SLC30A8: variants seen among roughly 807,000 people sequenced by gnomAD.
SLC30A8 encodes the protein proton-coupled zinc antiporter SLC30A8.
SLC30A8 carries 27 observed loss-of-function variants against 36.9 expected under a neutral mutation model. The observed-to-expected ratio is 0.73, with a 90% CI of 0.54 to 1.01. SLC30A8 has a LOEUF of 1.01. Among genes scored for constraint, SLC30A8 ranks in the 50% least tolerant of loss-of-function variants. The probability of loss-of-function intolerance (pLI) is 0.00; values close to 1 mark genes in which losing one functional copy is unlikely to be tolerated. For synonymous variants in SLC30A8, 164 were observed against 172.4 expected, an observed-to-expected ratio of 0.95 and a Z score of 0.38; for missense variants, 439 against 452.0, an observed-to-expected ratio of 0.97 and a Z score of 0.26.
intron 1 of SLC30A8, among the ~76,000 whole-genome samples, chr8:117,010,235 ACTT>A (rs1032297205): frequency 5.9e-5 from 9 of 152,160 alleles, no homozygotes; most frequent in Non-Finnish European, 1.2e-4. Context: ...CTCTGGAACC[ACTT>A]CTTATCAATG....
At chr8:117,076,508 C>A (rs959035859) in intron 2 of SLC30A8, among the ~76,000 whole-genome samples, 4 of 152,102 alleles carry the variant, frequency 2.6e-5, no homozygotes, top group Non-Finnish European at 5.9e-5. Context: ...CATCCTACCC[C>A]CTTGTCTTGT....
At chr8:116,964,997 T>A (rs1183797761) in intron 1 of SLC30A8, among the ~76,000 whole-genome samples, 1 of 152,166 alleles carries the variant, frequency 6.6e-6, no homozygotes, top group Non-Finnish European at 1.5e-5. Context: ...AGTGCGATGG[T>A]GTGATCTCAG....
intron 1 of SLC30A8, among the ~76,000 whole-genome samples, chr8:117,001,426 T>G (rs1239402682): frequency 6.6e-6 from 1 of 152,152 alleles, no homozygotes; most frequent in Non-Finnish European, 1.5e-5. Flanking sequence ...ACTATCTCTC[T>G]TCTCAGTTAT....
At chr8:117,122,440 T>G (rs978148992) in intron 2 of SLC30A8, among the ~76,000 whole-genome samples, 1 of 152,006 alleles carries the variant, frequency 6.6e-6, no homozygotes, top group African/African-American at 2.4e-5. Context: ...CCCAAAGTTA[T>G]CTAGCTCATG....
chr8:117,000,995 T>C (rs1250962535), intron 1 of SLC30A8, among the ~76,000 whole-genome samples: 1 of 152,144 alleles, frequency 6.6e-6, no homozygotes, highest in Non-Finnish European at 1.5e-5. Flanking sequence ...GAATCCATTT[T>C]CCCCTTCATC....
chr8:117,042,864 C>T (rs985832755), intron 2 of SLC30A8, among the ~76,000 whole-genome samples: 4 of 152,182 alleles, frequency 2.6e-5, no homozygotes, highest in East Asian at 1.9e-4. Context: ...TTAGTAGAGA[C>T]GGGTTTTCAC....
intron 1 of SLC30A8, among the ~76,000 whole-genome samples, chr8:117,001,294 T>C (rs146023317): frequency 6.6e-6 from 1 of 151,800 alleles, no homozygotes; most frequent in East Asian, 1.9e-4. Flanking sequence ...ATAGCCATTT[T>C]GAGAATACAA....
chr8:117,119,104 A>G (rs1820576692), intron 2 of SLC30A8, among the ~76,000 whole-genome samples: 1 of 151,850 alleles, frequency 6.6e-6, no homozygotes, highest in Admixed American at 6.6e-5. Flanking sequence ...GATTACCTGT[A>G]TCAGAAATAG....
At chr8:116,976,859 C>T (rs1358672664) in intron 1 of SLC30A8, among the ~76,000 whole-genome samples, 3 of 139,842 alleles carry the variant, frequency 2.1e-5, no homozygotes, top group Non-Finnish European at 4.4e-5. Flanking sequence ...TCTCTGTTGC[C>T]AGGCTGGAGT....
At chr8:116,998,607 T>C (rs939834010) in intron 1 of SLC30A8, among the ~76,000 whole-genome samples, 1 of 152,222 alleles carries the variant, frequency 6.6e-6, no homozygotes, top group Non-Finnish European at 1.5e-5. Context: ...AAGGTCTTTG[T>C]AGATTTGCAT....
intron 1 of SLC30A8, among the ~76,000 whole-genome samples, chr8:117,020,807 A>G (rs1482878692): frequency 2.0e-5 from 3 of 152,192 alleles, no homozygotes; most frequent in Non-Finnish European, 2.9e-5. Context: ...ATATCAAACA[A>G]CGTTATGACC....
chr8:117,008,235 C>CA (rs972117558), intron 1 of SLC30A8, among the ~76,000 whole-genome samples: 22 of 152,142 alleles, frequency 1.4e-4, no homozygotes, highest in African/African-American at 5.3e-4. Flanking sequence ...TTAATAATAC[C>CA]AATAAGAACC....
intron 7 of SLC30A8, 143 bp downstream of exon 7, chr8:117,171,311 TG>T: frequency 2.2e-6 from 2 of 903,510 alleles, no homozygotes; most frequent in South Asian, 1.5e-5. Context: ...CAAGGGCCTT[TG>T]AAACCAGCCC....
In SLC30A8 at chr8:117,021,628, A is replaced by AT. The variant is rs76201373; in HGVS notation, c.-265-17584dup. Among the ~76,000 whole-genome samples, 656 of 152,304 alleles carry AT rather than the reference A, an allele frequency of 4.3e-3. 16 individuals carry two copies. The East Asian group carries it at 0.079, about 18-fold the overall frequency. ...ACCCAAGCAGGTTTTAAAAATTGCTATTTTTTTGTGTGAAAATTTACAAGC... is the reference window on the plus strand; with the variant it reads ...ACCCAAGCAGGTTTTAAAAATTGCTATTTTTTTTGTGTGAAAATTTACAAGC... On this transcript the variant is annotated intron_variant, in intron 1 of 10. Transcript: ENST00000427715.
chr8:117,145,151 A>G (rs1017941366), intron 1 of SLC30A8, among the ~76,000 whole-genome samples: 2 of 152,154 alleles, frequency 1.3e-5, no homozygotes, highest in Admixed American at 1.3e-4. Context: ...TGGCCCCTCT[A>G]GATGTTTTCA....
intron 1 of SLC30A8, among the ~76,000 whole-genome samples, chr8:116,986,888 A>G (rs1040622311): frequency 6.6e-6 from 1 of 152,210 alleles, no homozygotes; most frequent in Non-Finnish European, 1.5e-5. Context: ...TCTACTTTGT[A>G]TATCTTTATT....
Position 117,161,737 on chromosome 8 carries a change from G to GACTA in SLC30A8, c.576_579dup (p.Val194AsnfsTer42). 1 of 1,612,696 alleles carries GACTA rather than the reference G, an allele frequency of 6.2e-7. No individual in the cohort carries two copies. The highest frequency in any genetic ancestry group is 8.5e-7 in the Non-Finnish European group (1 of 1,179,112). On this transcript the variant is annotated frameshift_variant and splice_region_variant. Transcript: ENST00000456015. LOFTEE classifies it high-confidence loss of function. ...GCTAAGAACATTGTTCTCTCTTTCA[G>GACTA]ACTAACTGTGGTTTTGCACCAGAGA...
At chr8:117,009,702 A>T (rs1816284727) in intron 1 of SLC30A8, among the ~76,000 whole-genome samples, 1 of 152,216 alleles carries the variant, frequency 6.6e-6, no homozygotes, top group Non-Finnish European at 1.5e-5. Flanking sequence ...CAAACAGTTT[A>T]TTTTGCTGGG....
intron 1 of SLC30A8, among the ~76,000 whole-genome samples, chr8:116,989,254 A>T (rs910726883): frequency 2.0e-5 from 3 of 152,198 alleles, no homozygotes; most frequent in Non-Finnish European, 4.4e-5. Context: ...GGTGTTTTTC[A>T]ATACTGGAAA....
Sources: gnomAD v4.1 joint callset for allele counts (sites outside exome capture counted in the v4.1 genomes callset) on GRCh38, gnomAD v4.1.1 for gene constraint, MANE v1.5 for transcripts, NCBI Gene and HGNC (gene_info 2026-07-23, HGNC 2026-07-21) for gene names.